SPRYD4: variants seen among roughly 807,000 people sequenced by gnomAD.
SPRYD4 encodes the protein SPRY domain-containing protein 4.
SPRYD4 carries 12 observed loss-of-function variants against 16.6 expected under a neutral mutation model. That is an observed-to-expected ratio of 0.72 (90% CI 0.46 to 1.17). SPRYD4 has a LOEUF of 1.17. Among genes scored for constraint, SPRYD4 ranks in the 50% most tolerant of loss-of-function variants. The probability of loss-of-function intolerance (pLI) is 0.00; values close to 1 mark genes in which losing one functional copy is unlikely to be tolerated. For synonymous variants in SPRYD4, 98 were observed against 105.4 expected (o/e 0.93, Z 0.43); for missense variants, 260 against 260.2 (o/e 1.00, Z 0.00).
chr12:56,479,380 A>G lies in SPRYD4; in HGVS notation c.*9803A>G. On this transcript the variant is annotated 3_prime_UTR_variant, in exon 2 of 2. Coordinates refer to ENST00000338146, the MANE Select transcript of SPRYD4 (RefSeq NM_207344.4). The stretch of plus-strand genomic sequence containing the variant: ...AAAATGAGGGGTTTTAATGATGTGG[A>G]AAGACACTATGTCTTGGGATATGAG... 1 of 581,670 alleles carries G rather than the reference A, an allele frequency of 1.7e-6. No individual in the cohort carries two copies. Among genetic ancestry groups the G allele is most frequent in the South Asian group, 2.8e-5 (1 of 35,176 alleles). 36.0% of individuals were successfully genotyped at this position (581,670 alleles called of 1,614,324 possible). A position where few individuals can be genotyped will look rare whatever the true frequency, so the allele number is the denominator to read the frequency against.
In SPRYD4 at chr12:56,472,982, C is replaced by CA; in HGVS notation, c.*3405_*3406insA. 2 of 585,930 alleles carry CA rather than the reference C, an allele frequency of 3.4e-6. No individual in the cohort carries two copies. The highest frequency in any genetic ancestry group is 5.9e-6 in the Non-Finnish European group (2 of 336,636). 36.3% of individuals were successfully genotyped at this position (585,930 alleles called of 1,614,324 possible). A position where few individuals can be genotyped will look rare whatever the true frequency, so the allele number is the denominator to read the frequency against. On this transcript the variant is annotated 3_prime_UTR_variant, in exon 2 of 2. Coordinates refer to ENST00000338146, the MANE Select transcript of SPRYD4 (RefSeq NM_207344.4). Reference sequence around the variant, plus strand: ...TTGGCTCACTGCAACCTCTGCCTCCCGGTTTCAAGCGATTCTCCTGCCTCA... The same window carrying CA: ...TTGGCTCACTGCAACCTCTGCCTCCCAGGTTTCAAGCGATTCTCCTGCCTCA...
rs1439122973 is a variant in SPRYD4, at chr12:56,471,464, C to G, written c.*1887C>G. The G allele has an allele frequency of 1.3e-6, 2 of 1,591,846 alleles. No homozygotes were observed. The highest frequency in any genetic ancestry group is 1.7e-6 in the Non-Finnish European group (2 of 1,169,784). The stretch of plus-strand genomic sequence containing the variant: ...TGGCCAGCTCATGCTTTTTCTTGAG[C>G]AGGGGCTGTCCATGACCTGTGCTCA... On this transcript the variant is annotated 3_prime_UTR_variant, in exon 2 of 2. Coordinates refer to ENST00000338146, the MANE Select transcript of SPRYD4 (RefSeq NM_207344.4).
Position 56,475,534 on chromosome 12 carries a change from A to AT in SPRYD4, c.*5959dup. ...TCCCCTGGGATTTCTTCCTCCTAAG[A>AT]TTCTCTCTCCCCCATTCCTCTTGTC... On this transcript the variant is annotated 3_prime_UTR_variant, in exon 2 of 2. Coordinates refer to ENST00000338146, the MANE Select transcript of SPRYD4 (RefSeq NM_207344.4). 1 of 1,353,482 alleles carries AT rather than the reference A, an allele frequency of 7.4e-7. No homozygotes were observed. The highest frequency in any genetic ancestry group is 1.0e-6 in the Non-Finnish European group (1 of 961,620). The allele number at this position is 1,353,482 out of a possible 1,614,324, so 83.8% of individuals were successfully genotyped here. A position where few individuals can be genotyped will look rare whatever the true frequency, so the allele number is the denominator to read the frequency against.
Position 56,471,648 on chromosome 12 carries a change from G to C in SPRYD4, c.*2071G>C. The C allele has an allele frequency of 1.9e-6, 3 of 1,613,958 alleles. No individual in the cohort carries two copies. Among genetic ancestry groups the C allele is most frequent in the Non-Finnish European group, 2.5e-6 (3 of 1,179,874 alleles). On this transcript the variant is annotated 3_prime_UTR_variant, in exon 2 of 2. Coordinates refer to ENST00000338146, the MANE Select transcript of SPRYD4 (RefSeq NM_207344.4). ...TCCAGGGGAATGTTGCCCCACCTGAGAGGAATAATGATATGATCAGGCAAA... is the reference window on the plus strand; with the variant it reads ...TCCAGGGGAATGTTGCCCCACCTGACAGGAATAATGATATGATCAGGCAAA...
rs771735386 is a variant in SPRYD4 at position 56,477,911 on chromosome 12, T to C, written c.*8334T>C. On this transcript the variant is annotated 3_prime_UTR_variant, in exon 2 of 2. Coordinates refer to ENST00000338146, the MANE Select transcript of SPRYD4 (RefSeq NM_207344.4). Reference sequence around the variant, plus strand: ...GAGAAGGGGACAGCTGTAAGTACGGTCTGAGCCTTGGTAGTGCTCACCTTC... The same window carrying C: ...GAGAAGGGGACAGCTGTAAGTACGGCCTGAGCCTTGGTAGTGCTCACCTTC... The C allele has an allele frequency of 1.5e-5, 24 of 1,606,904 alleles. No homozygotes were observed. Among genetic ancestry groups the C allele is most frequent in the Non-Finnish European group, 6.0e-6 (7 of 1,176,256 alleles).
At position 56,475,027 on chromosome 12, in the gene SPRYD4, C is replaced by A. The variant is rs111732164; in HGVS notation, c.*5450C>A. ...CAGAATTCCCAGGGACTTTCTCTTC[C>A]GGCCTCTTCTGGTTACCTTCTTTTC... On this transcript the variant is annotated 3_prime_UTR_variant, in exon 2 of 2. Coordinates refer to ENST00000338146, the MANE Select transcript of SPRYD4 (RefSeq NM_207344.4). 6.2e-7 allele frequency: 1 copy of A among 1,614,070 alleles called. No individual in the cohort carries two copies. The highest frequency in any genetic ancestry group is 8.5e-7 in the Non-Finnish European group (1 of 1,180,036).
In SPRYD4 at chr12:56,469,816, C is replaced by T; in HGVS notation, c.*239C>T. On this transcript the variant is annotated 3_prime_UTR_variant, in exon 2 of 2. Transcript: ENST00000338146. ...ATTTCCTAGGCTACCATGGGTGTAT[C>T]TTCCTTGACCTGCTTCCTTCAGTCC... 1 of 544,298 alleles carries T rather than the reference C, an allele frequency of 1.8e-6. No individual in the cohort carries two copies. The highest frequency in any genetic ancestry group is 1.9e-5 in the African/African-American group (1 of 53,172). The allele number at this position is 544,298 out of a possible 1,614,324, so 33.7% of individuals were successfully genotyped here.
rs765192271 is a variant in SPRYD4 at position 56,472,705 on chromosome 12, A to G, written c.*3128A>G. On this transcript the variant is annotated 3_prime_UTR_variant, in exon 2 of 2. Coordinates refer to ENST00000338146, the MANE Select transcript of SPRYD4 (RefSeq NM_207344.4). ...GTAGCATTACCTTCGAAGAGCTGAG[A>G]CATCGCCACTATAGGCAGCAAATAA... 2 of 1,613,814 alleles carry G rather than the reference A, an allele frequency of 1.2e-6. No homozygotes were observed. The highest frequency in any genetic ancestry group is 2.2e-5 in the East Asian group (1 of 44,868).
At position 56,471,801 on chromosome 12, in the gene SPRYD4, A is replaced by C; in HGVS notation, c.*2224A>C. 1 of 1,614,140 alleles carries C rather than the reference A, an allele frequency of 6.2e-7. No homozygotes were observed. The highest frequency in any genetic ancestry group is 8.5e-7 in the Non-Finnish European group (1 of 1,180,028). On this transcript the variant is annotated 3_prime_UTR_variant, in exon 2 of 2. Coordinates refer to ENST00000338146, the MANE Select transcript of SPRYD4 (RefSeq NM_207344.4). ...TCCTTGGCAAAAGGATTCACTTTGC[A>C]AGCCTCGATCAGGAATTTAACAACT...
Position 56,479,186 on chromosome 12 carries a change from A to G in SPRYD4, c.*9609A>G. On this transcript the variant is annotated 3_prime_UTR_variant, in exon 2 of 2. Transcript: ENST00000338146. Reference sequence around the variant, plus strand: ...ACAATGTTGCTGCTCACACACCTGGATCCCAGACACGATTGGATTAGGGGG... The same window carrying G: ...ACAATGTTGCTGCTCACACACCTGGGTCCCAGACACGATTGGATTAGGGGG... 6.2e-7 allele frequency: 1 copy of G among 1,613,206 alleles called. No individual in the cohort carries two copies. The highest frequency in any genetic ancestry group is 1.1e-5 in the South Asian group (1 of 91,066).
chr12:56,469,364 C>G lies in SPRYD4; in HGVS notation c.411C>G (p.Asn137Lys), dbSNP rs781718105. Residue 137 changes from asparagine (N) to lysine (K), a missense_variant, in exon 2 of 2, where the codon AAC becomes AAG. Transcript: ENST00000338146. ...GCAAGTGGTACACCATGTTGGCCAA[C>G]GAGAAAGCCCCAGTTGAGGGTATTG... is the stretch of plus-strand genomic sequence containing the variant. The part of the protein sequence containing the change: ...AQRKWYTMLA[N>K]EKAPVEGIGQ... 1.2e-6 allele frequency: 2 copies of G among 1,614,078 alleles called. No homozygotes were observed. The highest frequency in any genetic ancestry group is 1.7e-6 in the Non-Finnish European group (2 of 1,180,022).
rs1869424981 is a variant in SPRYD4, at chr12:56,472,898, T to C, written c.*3321T>C. On this transcript the variant is annotated 3_prime_UTR_variant, in exon 2 of 2. Coordinates refer to ENST00000338146, the MANE Select transcript of SPRYD4 (RefSeq NM_207344.4). ...CTCTGAAATATTCTTTTTTTTTTTT[T>C]TTTTTTTGAGACGGAGTCTCGCTCT... 2 of 727,854 alleles carry C rather than the reference T, an allele frequency of 2.7e-6. No homozygotes were observed. The highest frequency in any genetic ancestry group is 1.8e-5 in the African/African-American group (1 of 55,418). 45.1% of individuals were successfully genotyped at this position (727,854 alleles called of 1,614,324 possible).
At position 56,470,926 on chromosome 12, in the gene SPRYD4, G is replaced by A. The variant is rs1470754882; in HGVS notation, c.*1349G>A. 6.5e-6 allele frequency: 1 copy of A among 154,988 alleles called. No individual in the cohort carries two copies. The highest frequency in any genetic ancestry group is 1.4e-5 in the Non-Finnish European group (1 of 69,746). The allele number at this position is 154,988 out of a possible 1,614,324, so 9.6% of individuals were successfully genotyped here. A position where few individuals can be genotyped will look rare whatever the true frequency, so the allele number is the denominator to read the frequency against. ...GATGAAGCTAGATACCCCTAGGGAA[G>A]AAAGAAGGACTGGGTTTAGCAAAAA... is the stretch of plus-strand genomic sequence containing the variant. On this transcript the variant is annotated 3_prime_UTR_variant, in exon 2 of 2. Coordinates refer to ENST00000338146, the MANE Select transcript of SPRYD4 (RefSeq NM_207344.4).
Position 56,479,591 on chromosome 12 carries a change from G to T in SPRYD4, c.*10014G>T. On this transcript the variant is annotated 3_prime_UTR_variant, in exon 2 of 2. Transcript: ENST00000338146. ...AAGAGGACAGGGATTGAGTAGGGAG[G>T]GAAAGGAGAACATGTATTTCTATAT... The T allele has an allele frequency of 3.1e-6, 2 of 641,790 alleles. No homozygotes were observed. The highest frequency in any genetic ancestry group is 4.5e-4 in the Middle Eastern group (1 of 2,218). The allele number at this position is 641,790 out of a possible 1,614,324, so 39.8% of individuals were successfully genotyped here.
Position 56,472,772 on chromosome 12 carries a change from A to G in SPRYD4, c.*3195A>G, listed in dbSNP as rs769116572. The G allele has an allele frequency of 6.2e-7, 1 of 1,612,206 alleles. No individual in the cohort carries two copies. The highest frequency in any genetic ancestry group is 1.1e-5 in the South Asian group (1 of 91,050). The stretch of plus-strand genomic sequence containing the variant: ...TTGTTCTGGAACACAAATCATACCC[A>G]CATGACATTAATTGAACTCACCTAT... On this transcript the variant is annotated 3_prime_UTR_variant, in exon 2 of 2. Transcript: ENST00000338146.
rs34646954 is a variant in SPRYD4 at position 56,478,986 on chromosome 12, GAAAAAAA to G, written c.*9423_*9429del. 1.8e-5 allele frequency: 24 copies of G among 1,355,114 alleles called. No individual in the cohort carries two copies. Among genetic ancestry groups the G allele is most frequent in the African/African-American group, 3.4e-5 (2 of 59,676 alleles). 83.9% of individuals were successfully genotyped at this position (1,355,114 alleles called of 1,614,324 possible). A position where few individuals can be genotyped will look rare whatever the true frequency, so the allele number is the denominator to read the frequency against. On this transcript the variant is annotated 3_prime_UTR_variant, in exon 2 of 2. Coordinates refer to ENST00000338146, the MANE Select transcript of SPRYD4 (RefSeq NM_207344.4). Reference sequence around the variant, plus strand: ...GTGACAGAGCAAAACTCTGTCTCAGGAAAAAAAAAAAAAAAAAAAATCTGGCCCAGGT... The same window carrying G: ...GTGACAGAGCAAAACTCTGTCTCAGGAAAAAAAAAAAAATCTGGCCCAGGT...
rs949502706 is a variant in SPRYD4 at position 56,477,778 on chromosome 12, G to A, written c.*8201G>A. On this transcript the variant is annotated 3_prime_UTR_variant, in exon 2 of 2. Coordinates refer to ENST00000338146, the MANE Select transcript of SPRYD4 (RefSeq NM_207344.4). ...CTGAACAAAGCCTCCCTGACAGCCC[G>A]CTCACTTTGTGGGTTAGACAAGAAA... 8.3e-6 allele frequency: 13 copies of A among 1,566,814 alleles called. No individual in the cohort carries two copies. Among genetic ancestry groups the A allele is most frequent in the African/African-American group, 5.5e-5 (4 of 73,104 alleles).
chr12:56,477,524 C>A lies in SPRYD4; in HGVS notation c.*7947C>A. 1 of 804,376 alleles carries A rather than the reference C, an allele frequency of 1.2e-6. No homozygotes were observed. The highest frequency in any genetic ancestry group is 2.0e-6 in the Non-Finnish European group (1 of 491,928). 49.8% of individuals were successfully genotyped at this position (804,376 alleles called of 1,614,324 possible). ...GCATAACATGTGGGTCCCTGCTGTG[C>A]CTCATGTGCCTTCTGGGGACCCTCA... On this transcript the variant is annotated 3_prime_UTR_variant, in exon 2 of 2. Transcript: ENST00000338146.
chr12:56,475,695 A>G lies in SPRYD4; in HGVS notation c.*6118A>G. ...GATACTGCAACACCTGGAAGAGAAA[A>G]AGGGACATTGAGGCTCCACTTGGTT... is the stretch of plus-strand genomic sequence containing the variant. On this transcript the variant is annotated 3_prime_UTR_variant, in exon 2 of 2. Transcript: ENST00000338146. The G allele has an allele frequency of 6.2e-7, 1 of 1,614,164 alleles. No individual in the cohort carries two copies. The highest frequency in any genetic ancestry group is 1.7e-5 in the Admixed American group (1 of 60,030).
Sources: allele counts gnomAD v4.1 joint callset, GRCh38; gene constraint gnomAD v4.1.1; transcripts MANE v1.5; gene names NCBI Gene and HGNC (gene_info 2026-07-23, HGNC 2026-07-21).